The following OSBPL9 variants were observed in gnomAD, a reference collection of about 807,000 sequenced individuals.
The protein encoded by OSBPL9 is oxysterol-binding protein-related protein 9.
In OSBPL9, 40 loss-of-function variants were observed where a neutral mutation model predicts 106.6. That is an observed-to-expected ratio of 0.38 (90% CI 0.29 to 0.49). The LOEUF is 0.49. Among genes scored for constraint, OSBPL9 ranks in the 20% least tolerant of loss-of-function variants. The pLI is 0.97. For synonymous variants in OSBPL9, 269 were observed against 295.4 expected (o/e 0.91, Z 0.92); for missense variants, 609 against 887.2 (o/e 0.69, Z 3.98).
upstream of OSBPL9, among the ~76,000 whole-genome samples, chr1:51,613,856 C>T (rs1644006333): frequency 2.0e-5 from 3 of 152,012 alleles, no homozygotes; most frequent in Admixed American, 2.0e-4. Flanking sequence ...ATCCCCCTGC[C>T]TCAGCCCCCT....
intron 1 of OSBPL9, among the ~76,000 whole-genome samples, chr1:51,625,273 T>A (rs952761647): frequency 3.9e-5 from 6 of 152,228 alleles, no homozygotes; most frequent in African/African-American, 1.4e-4. Flanking sequence ...ACTCCAAAAG[T>A]GGCAATTGTA....
At chr1:51,745,374 T>G in intron 4 of OSBPL9, 162 bp from the exon 5 acceptor site, 1 of 994,388 alleles carries the variant, frequency 1.0e-6, no homozygotes. Context: ...GATGTACCAC[T>G]GTTTAAATAG....
intron 2 of OSBPL9, among the ~76,000 whole-genome samples, chr1:51,610,241 ATATT>A (rs375373588): frequency 5.9e-4 from 88 of 148,384 alleles, no homozygotes; most frequent in Middle Eastern, 3.6e-3. Flanking sequence ...AAAGGAACTG[ATATT>A]TGTTGTTGTT....
intron 1 of OSBPL9, among the ~76,000 whole-genome samples, chr1:51,620,411 G>A (rs1644351613): frequency 6.6e-6 from 1 of 152,030 alleles, no homozygotes; most frequent in Admixed American, 6.6e-5. Context: ...ATCCTCTCAT[G>A]GTACCTATAA....
intron 8 of OSBPL9, 24 bp from the exon 9 acceptor site, chr1:51,756,296 A>C: frequency 6.2e-7 from 1 of 1,603,180 alleles, no homozygotes; most frequent in East Asian, 2.2e-5. Flanking sequence ...AATGAAGTTA[A>C]TATTTTTAAC....
At chr1:51,595,485 A>G (rs1227136278) in intron 1 of OSBPL9, among the ~76,000 whole-genome samples, 1 of 152,142 alleles carries the variant, frequency 6.6e-6, no homozygotes, top group Non-Finnish European at 1.5e-5. Flanking sequence ...AGAGGCTTTG[A>G]TCCAGCATGG....
chr1:51,677,214 G>A (rs144172634), intron 3 of OSBPL9, among the ~76,000 whole-genome samples: 100 of 152,292 alleles, frequency 6.6e-4, no homozygotes, highest in African/African-American at 2.2e-3. Flanking sequence ...GAATGGGCCC[G>A]CTCTAGTGAT....
intron 6 of OSBPL9, among the ~76,000 whole-genome samples, chr1:51,747,187 G>A (rs141357130): frequency 3.9e-5 from 6 of 152,142 alleles, no homozygotes; most frequent in African/African-American, 1.4e-4. Flanking sequence ...GGCTGGTTTC[G>A]AACTCCTGAC....
At chr1:51,530,330 T>C in the OSBPL9 span, among the ~76,000 whole-genome samples, 1 of 151,998 alleles carries the variant, frequency 6.6e-6, no homozygotes, top group Middle Eastern at 3.4e-3. Flanking sequence ...AGAACTTCTG[T>C]ACTTCGAAGG....
intron 3 of OSBPL9, among the ~76,000 whole-genome samples, chr1:51,685,005 G>A (rs1467082245): frequency 6.7e-6 from 1 of 150,362 alleles, no homozygotes; most frequent in African/African-American, 2.5e-5. Flanking sequence ...TTGAACTCCT[G>A]GCTCAAGTTA....
intron 3 of OSBPL9, among the ~76,000 whole-genome samples, chr1:51,686,862 T>C (rs1431375709): frequency 6.6e-6 from 1 of 152,246 alleles, no homozygotes; most frequent in East Asian, 1.9e-4. Flanking sequence ...TCCCAGATTG[T>C]TGAAGGAAAC....
chr1:51,661,789 T>C (rs1647176864), intron 2 of OSBPL9, among the ~76,000 whole-genome samples: 1 of 152,136 alleles, frequency 6.6e-6, no homozygotes, highest in Admixed American at 6.5e-5. Flanking sequence ...AAAAATACTC[T>C]AAACCCAGAT....
Position 51,746,691 on chromosome 1 carries a change from A to G in OSBPL9, c.415-19A>G. 2 of 1,589,260 alleles carry G rather than the reference A, an allele frequency of 1.3e-6. No individual in the cohort carries two copies. The highest frequency in any genetic ancestry group is 8.6e-7 in the Non-Finnish European group (1 of 1,163,368). ...AGTAAAGTGGCTTGATACTATAACC[A>G]TTTTTTAAAATCTTGTAGCTTTTTG... On this transcript the variant is annotated intron_variant, in intron 5 of 23. Transcript: ENST00000428468.
At chr1:51,714,127 C>A (rs780381735) in intron 4 of OSBPL9, 48 bp downstream of exon 4, 6 of 1,348,494 alleles carry the variant, frequency 4.4e-6, no homozygotes, top group African/African-American at 1.5e-5. Flanking sequence ...TTGTTGCTTT[C>A]TTTTTTTGTC....
intron 3 of OSBPL9, among the ~76,000 whole-genome samples, chr1:51,673,224 A>G (rs1650326001): frequency 1.3e-5 from 2 of 152,220 alleles, no homozygotes; most frequent in African/African-American, 4.8e-5. Context: ...AACTATGTCA[A>G]ATGCTACTGA....
chr1:51,725,261 T>TTA (rs1662914183), intron 4 of OSBPL9, among the ~76,000 whole-genome samples: 1 of 152,176 alleles, frequency 6.6e-6, no homozygotes, highest in Non-Finnish European at 1.5e-5. Flanking sequence ...GTCTTTTTGA[T>TTA]CAGTAGCATT....
intron 8 of OSBPL9, among the ~76,000 whole-genome samples, chr1:51,753,758 T>G (rs1254392992): frequency 2.0e-5 from 3 of 152,254 alleles, no homozygotes; most frequent in African/African-American, 7.2e-5. Context: ...TTTGAATTCC[T>G]ATTCCCAGTA....
Position 51,772,464 on chromosome 1 carries a change from C to T in OSBPL9, c.1052-141C>T, listed in dbSNP as rs2149108747. ...TGGAAGATGGAGGTTTACAGTGAGC[C>T]AAGATCGTGCCATTGCACTCCAGCC... On this transcript the variant is annotated intron_variant, in intron 13 of 23. Transcript: ENST00000428468. 5.3e-6 allele frequency: 4 copies of T among 754,468 alleles called. No individual in the cohort carries two copies. The East Asian group carries it at 1.0e-4, about 19-fold the overall frequency. The allele number at this position is 754,468 out of a possible 1,614,324, so 46.7% of individuals were successfully genotyped here.
the OSBPL9 span, among the ~76,000 whole-genome samples, chr1:51,555,493 C>A: frequency 2.0e-5 from 3 of 151,872 alleles, no homozygotes; most frequent in Non-Finnish European, 2.9e-5. Flanking sequence ...TCTCCTTAAT[C>A]AGAAAAACTA....
Sources: gnomAD v4.1 joint callset for allele counts (sites outside exome capture counted in the v4.1 genomes callset) on GRCh38, gnomAD v4.1.1 for gene constraint, MANE v1.5 for transcripts, NCBI Gene and HGNC (gene_info 2026-07-23, HGNC 2026-07-21) for gene names.